Variants in METTL15 observed in about 807,000 individuals in gnomAD.
METTL15 encodes the protein 12S rRNA N(4)-cytidine methyltransferase METTL15.
Under a neutral mutation model 38.3 loss-of-function variants are expected in METTL15, and 34 were observed. The observed-to-expected ratio is 0.89, with a 90% CI of 0.68 to 1.18. The LOEUF (loss-of-function observed/expected upper bound fraction) is 1.18, where lower values mean the gene tolerates loss of function less well. Among genes scored for constraint, METTL15 ranks in the 50% most tolerant of loss-of-function variants. The probability of loss-of-function intolerance (pLI) is 0.00; values close to 1 mark genes in which losing one functional copy is unlikely to be tolerated. For synonymous variants in METTL15, 162 were observed against 170.9 expected, an observed-to-expected ratio of 0.95 and a Z score of 0.41; for missense variants, 438 against 498.4, an observed-to-expected ratio of 0.88 and a Z score of 1.15.
At chr11:28,486,103 A>C (rs545030071) in intron 6 of METTL15, among the ~76,000 whole-genome samples, 1 of 152,204 alleles carries the variant, frequency 6.6e-6, no homozygotes, top group African/African-American at 2.4e-5. Flanking sequence ...TAGCGCTATG[A>C]GAAGGGGAGT....
At chr11:28,220,568 G>A (rs558505633) in intron 4 of METTL15, among the ~76,000 whole-genome samples, 48 of 152,046 alleles carry the variant, frequency 3.2e-4, no homozygotes, top group Non-Finnish European at 6.5e-4. Flanking sequence ...GACATTTAAG[G>A]TTAATATTGT....
chr11:28,498,325 A>G (rs1425414779), intron 6 of METTL15, among the ~76,000 whole-genome samples: 2 of 151,758 alleles, frequency 1.3e-5, no homozygotes, highest in African/African-American at 2.4e-5. Context: ...CGCCCGGCTA[A>G]TTTTTTGTAT....
intron 4 of METTL15, among the ~76,000 whole-genome samples, chr11:28,275,701 T>A (rs1855816206): frequency 6.6e-6 from 1 of 151,056 alleles, no homozygotes; most frequent in South Asian, 2.1e-4. Flanking sequence ...CAAAAATCCT[T>A]AACAAAATAC....
intron 4 of METTL15, among the ~76,000 whole-genome samples, chr11:28,222,400 A>G (rs115060401): frequency 0.055 from 8,406 of 152,260 alleles, 335 homozygotes; most frequent in East Asian, 0.16. Context: ...AGACCGTCAG[A>G]AAAGCGCAGT....
At chr11:28,245,218 A>G (rs1357413396) in intron 4 of METTL15, among the ~76,000 whole-genome samples, 1 of 152,200 alleles carries the variant, frequency 6.6e-6, no homozygotes, top group Non-Finnish European at 1.5e-5. Flanking sequence ...CTCTGGGATA[A>G]TTACTTAATC....
At chr11:28,290,709 G>A (rs1856478027) in intron 5 of METTL15, among the ~76,000 whole-genome samples, 1 of 151,782 alleles carries the variant, frequency 6.6e-6, no homozygotes, top group Admixed American at 6.6e-5. Context: ...TCATGATACT[G>A]CAACAACGAT....
At chr11:28,204,642 C>T (rs887417363) in intron 3 of METTL15, among the ~76,000 whole-genome samples, 1 of 151,712 alleles carries the variant, frequency 6.6e-6, no homozygotes, top group Admixed American at 6.6e-5. Context: ...CATCTCTATT[C>T]AATTCCTGCA....
At chr11:28,414,940 G>T (rs574195691) in intron 5 of METTL15, among the ~76,000 whole-genome samples, 1 of 152,300 alleles carries the variant, frequency 6.6e-6, no homozygotes, top group South Asian at 2.1e-4. Flanking sequence ...GCTATTTGAA[G>T]CTTGCATTGC....
intron 6 of METTL15, among the ~76,000 whole-genome samples, chr11:28,307,497 C>G (rs970844008): frequency 6.6e-6 from 1 of 151,910 alleles, no homozygotes; most frequent in African/African-American, 2.4e-5. Flanking sequence ...GTTTCTTTAG[C>G]ATATAGGCAC....
At chr11:28,327,848 A>G in intron 6 of METTL15, 1 of 361,768 alleles carries the variant, frequency 2.8e-6, no homozygotes, top group African/African-American at 2.1e-5. Context: ...TGAAAATAGT[A>G]TGCAAACATT....
intron 6 of METTL15, among the ~76,000 whole-genome samples, chr11:28,454,401 G>C (rs1851150277): frequency 6.6e-6 from 1 of 152,196 alleles, no homozygotes; most frequent in Non-Finnish European, 1.5e-5. Context: ...CTTCTAATCA[G>C]TGTATTTCTT....
At chr11:28,498,748 T>C (rs1461310286) in intron 6 of METTL15, among the ~76,000 whole-genome samples, 1 of 152,184 alleles carries the variant, frequency 6.6e-6, no homozygotes, top group Non-Finnish European at 1.5e-5. Flanking sequence ...AATTATTAGT[T>C]ATTTCAGATT....
At chr11:28,316,853 A>C (rs973434872) in intron 6 of METTL15, among the ~76,000 whole-genome samples, 4 of 151,934 alleles carry the variant, frequency 2.6e-5, no homozygotes, top group African/African-American at 7.3e-5. Flanking sequence ...GACGTGACTT[A>C]CTCCTTCTTG....
intron 5 of METTL15, among the ~76,000 whole-genome samples, chr11:28,376,242 G>T (rs537334214): frequency 6.6e-6 from 1 of 151,966 alleles, no homozygotes; most frequent in Non-Finnish European, 1.5e-5. Context: ...CTGTCTCGTT[G>T]GTCTGTCTAA....
At chr11:28,436,534 C>A (rs888186700) in intron 6 of METTL15, among the ~76,000 whole-genome samples, 40 of 152,074 alleles carry the variant, frequency 2.6e-4, no homozygotes, top group Non-Finnish European at 5.3e-4. Context: ...GAAATTTCAG[C>A]CCTCCTCCAT....
chr11:28,177,587 G>T (rs901345000), intron 3 of METTL15, among the ~76,000 whole-genome samples: 4 of 151,978 alleles, frequency 2.6e-5, no homozygotes, highest in African/African-American at 9.6e-5. Context: ...GGGAAAATCA[G>T]AATATAGAAC....
chr11:28,381,413 T>C (rs1460111398), intron 5 of METTL15, among the ~76,000 whole-genome samples: 1 of 152,190 alleles, frequency 6.6e-6, no homozygotes, highest in African/African-American at 2.4e-5. Context: ...GCAAGTTTTG[T>C]AGTCTTTCTA....
chr11:28,327,761 T>A (rs1244589384), intron 6 of METTL15: 12 of 215,180 alleles, frequency 5.6e-5, no homozygotes, highest in Non-Finnish European at 1.1e-4. Context: ...ACATGGTTAT[T>A]TCAGATACTA....
intron 5 of METTL15, among the ~76,000 whole-genome samples, chr11:28,397,483 A>T (rs973951559): frequency 1.3e-5 from 2 of 152,214 alleles, no homozygotes; most frequent in Admixed American, 1.3e-4. Flanking sequence ...AAGACACATG[A>T]AAAAATGCTC....
Sources: allele counts gnomAD v4.1 joint callset (sites outside exome capture counted in the v4.1 genomes callset), GRCh38; gene constraint gnomAD v4.1.1; transcripts MANE v1.5; gene names NCBI Gene and HGNC (gene_info 2026-07-23, HGNC 2026-07-21).